The following ROBO2 variants were observed in gnomAD, a reference collection of about 807,000 sequenced individuals.
ROBO2 encodes roundabout guidance receptor 2.
Under a neutral mutation model 160.8 loss-of-function variants are expected in ROBO2, and 53 were observed. That is an observed-to-expected ratio of 0.33 (90% CI 0.26 to 0.41). ROBO2 has a LOEUF of 0.41. Among genes scored for constraint, ROBO2 ranks in the 10% least tolerant of loss-of-function variants. The pLI is 1.00. For missense variants in ROBO2, 1,577 were observed against 1,722.4 expected (o/e 0.92, Z 1.49); for synonymous variants, 664 against 611.7 (o/e 1.09, Z -1.26).
intron 2 of ROBO2, among the ~76,000 whole-genome samples, chr3:77,326,210 A>G (rs925366771): frequency 6.6e-6 from 1 of 152,186 alleles, no homozygotes; most frequent in South Asian, 2.1e-4. Context: ...TCATTACAAT[A>G]CTTACTTTAA....
chr3:75,955,668 T>G (rs2107226953), intron 2 of ROBO2, among the ~76,000 whole-genome samples: 1 of 151,876 alleles, frequency 6.6e-6, no homozygotes, highest in East Asian at 2.0e-4. Context: ...AAAGATACTC[T>G]GTGCACTCAA....
intron 2 of ROBO2, among the ~76,000 whole-genome samples, chr3:76,964,389 C>CT (rs2149251493): frequency 6.6e-6 from 1 of 152,210 alleles, no homozygotes; most frequent in Non-Finnish European, 1.5e-5. Flanking sequence ...GTTGCCCAAA[C>CT]TAGAGCGCAG....
At chr3:77,611,080 C>T (rs992853810) in intron 21 of ROBO2, among the ~76,000 whole-genome samples, 66 of 152,040 alleles carry the variant, frequency 4.3e-4, no homozygotes, top group African/African-American at 1.5e-3. Context: ...GGGCGGATCA[C>T]GAGGTCAAGA....
chr3:76,367,033 G>A (rs1188193065), intron 2 of ROBO2, among the ~76,000 whole-genome samples: 1 of 151,908 alleles, frequency 6.6e-6, no homozygotes, highest in Non-Finnish European at 1.5e-5. Context: ...AATGTCATAA[G>A]CAATTTTATA....
At chr3:76,711,262 T>C (rs1169379782) in intron 2 of ROBO2, among the ~76,000 whole-genome samples, 1 of 152,140 alleles carries the variant, frequency 6.6e-6, no homozygotes, top group Non-Finnish European at 1.5e-5. Context: ...ATTTTCTTCA[T>C]ACAGCAGCAA....
At chr3:76,894,407 T>A (rs551571511) in intron 2 of ROBO2, among the ~76,000 whole-genome samples, 42 of 152,290 alleles carry the variant, frequency 2.8e-4, no homozygotes, top group African/African-American at 1.0e-3. Context: ...TTTACTATCT[T>A]AAATTGTTAT....
At chr3:76,269,838 T>C (rs1212835450) in intron 2 of ROBO2, among the ~76,000 whole-genome samples, 2 of 151,974 alleles carry the variant, frequency 1.3e-5, no homozygotes, top group Non-Finnish European at 2.9e-5. Flanking sequence ...ATTTGAAAAT[T>C]GACATGGAAC....
At position 76,135,970 on chromosome 3, in the gene ROBO2, A is replaced by AG. The variant is rs398106055; in HGVS notation, c.109+198368_109+198369insG. Among the ~76,000 whole-genome samples the AG allele has an allele frequency of 5.1e-4, 78 of 151,648 alleles. 1 individual carries two copies. The highest frequency in any genetic ancestry group is 3.4e-3 in the Middle Eastern group (1 of 294). On this transcript the variant is annotated intron_variant, in intron 2 of 26. Coordinates refer to the ROBO2 transcript ENST00000487694. ...AAGGCAATATTATTTACCAAAAAAAATCTGTAACATAAAGCTTAAAATAGG... is the reference window on the plus strand; with the variant it reads ...AAGGCAATATTATTTACCAAAAAAAAGTCTGTAACATAAAGCTTAAAATAGG...
rs1197915225 is a variant in ROBO2 at position 76,968,771 on chromosome 3, T to C, written c.110-129243T>C. 2.0e-5 allele frequency among the ~76,000 whole-genome samples: 3 copies of C among 152,216 alleles called. No individual in the cohort carries two copies. The East Asian group carries it at 5.8e-4, about 29-fold the overall frequency. On this transcript the variant is annotated intron_variant, in intron 2 of 26. Coordinates refer to the ROBO2 transcript ENST00000487694. ...ATAAATATTATAATCTCATCAATGA[T>C]TGATGGATATTTTCAGCTAAATATG...
intron 2 of ROBO2, among the ~76,000 whole-genome samples, chr3:76,753,592 CAAA>C (rs1049989796): frequency 4.6e-5 from 7 of 151,494 alleles, no homozygotes; most frequent in Admixed American, 4.6e-4. Flanking sequence ...TCAAAGGAAA[CAAA>C]AAATGAGATT....
intron 2 of ROBO2, among the ~76,000 whole-genome samples, chr3:76,691,164 G>A (rs1019022792): frequency 1.3e-5 from 2 of 152,070 alleles, no homozygotes; most frequent in African/African-American, 4.8e-5. Flanking sequence ...CTTGGGAGAG[G>A]GTAAGTTATC....
chr3:76,579,392 A>C (rs948211391), intron 2 of ROBO2, among the ~76,000 whole-genome samples: 1 of 151,796 alleles, frequency 6.6e-6, no homozygotes, highest in African/African-American at 2.4e-5. Flanking sequence ...TTTTTTATTT[A>C]CTCTTTCTCT....
exon 9 of ROBO2, chr3:77,558,044 T>A: frequency 6.2e-7 from 1 of 1,613,268 alleles, no homozygotes; most frequent in Non-Finnish European, 8.5e-7. Context: ...CCACTGGTGA[T>A]CCTCTTCCTG....
chr3:76,143,841 G>A (rs746719327), intron 2 of ROBO2, among the ~76,000 whole-genome samples: 11 of 152,030 alleles, frequency 7.2e-5, no homozygotes, highest in African/African-American at 1.9e-4. Context: ...TACAGTTCCC[G>A]TCTGAGTTTG....
At chr3:77,184,782 TGGGTTTCA>T (rs1404919977) in intron 2 of ROBO2, among the ~76,000 whole-genome samples, 1 of 152,070 alleles carries the variant, frequency 6.6e-6, no homozygotes, top group Non-Finnish European at 1.5e-5. Context: ...TTTCTGAGTA[TGGGTTTCA>T]CATGAAAATG....
chr3:77,075,997 A>G (rs2067959911), intron 1 of ROBO2, among the ~76,000 whole-genome samples: 1 of 151,628 alleles, frequency 6.6e-6, no homozygotes, highest in Non-Finnish European at 1.5e-5. Flanking sequence ...CATACATACT[A>G]TTTCTTATGG....
intron 2 of ROBO2, among the ~76,000 whole-genome samples, chr3:76,369,909 ACT>A (rs1370447253): frequency 1.6e-4 from 24 of 152,092 alleles, no homozygotes; most frequent in African/African-American, 5.8e-4. Flanking sequence ...ACCAGAAAGA[ACT>A]CTGAACACGT....
chr3:76,328,845 C>T (rs1277898247), intron 2 of ROBO2, among the ~76,000 whole-genome samples: 1 of 149,076 alleles, frequency 6.7e-6, no homozygotes, highest in Non-Finnish European at 1.5e-5. Context: ...GGCGACAGAG[C>T]GAGACTCCGT....
At chr3:77,115,036 C>A (rs1560041303) in intron 2 of ROBO2, among the ~76,000 whole-genome samples, 1 of 151,798 alleles carries the variant, frequency 6.6e-6, no homozygotes, top group African/African-American at 2.4e-5. Context: ...GTTATATTAT[C>A]TTCCTGGTTA....
Sources: allele counts gnomAD v4.1 joint callset (sites outside exome capture counted in the v4.1 genomes callset), GRCh38; gene constraint gnomAD v4.1.1; transcripts MANE v1.5; gene names NCBI Gene and HGNC (gene_info 2026-07-23, HGNC 2026-07-21).